The following DUSP19 variants were observed in gnomAD, a reference collection of about 807,000 sequenced individuals.
DUSP19 encodes the protein dual specificity phosphatase 19.
In DUSP19, 14 loss-of-function variants were observed where a neutral mutation model predicts 16.6. That is an observed-to-expected ratio of 0.84 (90% CI 0.56 to 1.32). The LOEUF (loss-of-function observed/expected upper bound fraction) is 1.32. Ranked by LOEUF, DUSP19 falls within the 40% of genes most tolerant of loss-of-function variation. The probability of loss-of-function intolerance (pLI) is 0.00; values close to 1 mark genes in which losing one functional copy is unlikely to be tolerated. For missense variants in DUSP19, 258 were observed against 255.9 expected, an observed-to-expected ratio of 1.01 and a Z score of -0.06; for synonymous variants, 81 against 90.5, an observed-to-expected ratio of 0.90 and a Z score of 0.59.
intron 2 of DUSP19, 45 bp from the exon 3 acceptor site, chr2:183,086,995 A>G (rs763374549): frequency 1.9e-6 from 3 of 1,576,100 alleles, no homozygotes; most frequent in Non-Finnish European, 2.6e-6. Context: ...TAGGTAACCT[A>G]ATTCATGGGA....
At chr2:183,089,134 T>G (rs2705735) in intron 3 of DUSP19, among the ~76,000 whole-genome samples, 150,312 of 152,308 alleles carry the variant, frequency 0.99, 74,203 homozygotes, top group Middle Eastern at 1. Context: ...ATTTAGAGCT[T>G]ATGCTTAATT....
At position 183,078,913 on chromosome 2, in the gene DUSP19, T is replaced by C. The variant is rs1285195039; in HGVS notation, c.-21T>C. The C allele has an allele frequency of 1.2e-6, 2 of 1,609,578 alleles. No homozygotes were observed. The highest frequency in any genetic ancestry group is 1.7e-6 in the Non-Finnish European group (2 of 1,176,624). On this transcript the variant is annotated 5_prime_UTR_variant, in exon 1 of 4. Transcript: ENST00000354221. ...TGCCTGCTGGATTTGTTTGTATTTGTTCCCAGCCACTGCTCATGTAATGTA... is the reference window on the plus strand; with the variant it reads ...TGCCTGCTGGATTTGTTTGTATTTGCTCCCAGCCACTGCTCATGTAATGTA...
rs1438726556 is a variant in DUSP19 at position 183,095,682 on chromosome 2, CA to C, written c.*26del. On this transcript the variant is annotated 3_prime_UTR_variant, in exon 4 of 4. Coordinates refer to ENST00000354221, the MANE Select transcript of DUSP19 (RefSeq NM_080876.4). ...GAGTTGCATTGTAGCAGACAATGGA[CA>C]ACTGTAGTTTCTGAATTGACTTCTA... 1.3e-6 allele frequency: 2 copies of C among 1,548,996 alleles called. No individual in the cohort carries two copies. Among genetic ancestry groups the C allele is most frequent in the East Asian group, 2.3e-5 (1 of 44,168 alleles).
chr2:183,082,067 T>C (rs1244442632), intron 1 of DUSP19, among the ~76,000 whole-genome samples: 1 of 152,170 alleles, frequency 6.6e-6, no homozygotes, highest in Non-Finnish European at 1.5e-5. Flanking sequence ...AAAGAGATTG[T>C]AGAAGGGCAC....
intron 3 of DUSP19, among the ~76,000 whole-genome samples, chr2:183,089,423 T>C (rs989725268): frequency 1.3e-5 from 2 of 152,208 alleles, no homozygotes; most frequent in African/African-American, 4.8e-5. Context: ...CCAGTGGGGA[T>C]ATAACCAACC....
intron 3 of DUSP19, among the ~76,000 whole-genome samples, chr2:183,087,435 T>G (rs907160630): frequency 2.0e-5 from 3 of 152,252 alleles, no homozygotes; most frequent in African/African-American, 7.2e-5. Flanking sequence ...AGTGTATTTA[T>G]GATGATTAAT....
intron 3 of DUSP19, among the ~76,000 whole-genome samples, chr2:183,094,815 A>C (rs1210156023): frequency 3.3e-5 from 5 of 152,222 alleles, no homozygotes; most frequent in Admixed American, 3.3e-4. Context: ...CTGATTATTT[A>C]AACAGATTTG....
chr2:183,090,336 T>C (rs909513979), intron 3 of DUSP19, among the ~76,000 whole-genome samples: 3 of 152,224 alleles, frequency 2.0e-5, no homozygotes, highest in African/African-American at 7.2e-5. Context: ...CTATTTGGCT[T>C]CTCTGTCCTT....
chr2:183,081,040 A>G (rs1699586529), intron 1 of DUSP19, among the ~76,000 whole-genome samples: 1 of 152,206 alleles, frequency 6.6e-6, no homozygotes, highest in Non-Finnish European at 1.5e-5. Flanking sequence ...CCAGCATCGC[A>G]TGCCAAACAA....
At chr2:183,091,237 G>A (rs888009188) in intron 3 of DUSP19, among the ~76,000 whole-genome samples, 6 of 152,066 alleles carry the variant, frequency 3.9e-5, no homozygotes, top group Non-Finnish European at 7.4e-5. Flanking sequence ...CTAAATTCAC[G>A]AAGTTTTTAG....
intron 3 of DUSP19, among the ~76,000 whole-genome samples, chr2:183,091,613 G>C (rs980860030): frequency 1.3e-5 from 2 of 152,192 alleles, no homozygotes; most frequent in African/African-American, 4.8e-5. Flanking sequence ...GCAAACATCT[G>C]ATTGGTTGCA....
chr2:183,084,430 A>T (rs963373403), intron 2 of DUSP19, among the ~76,000 whole-genome samples: 2 of 152,058 alleles, frequency 1.3e-5, no homozygotes, highest in Non-Finnish European at 2.9e-5. Flanking sequence ...CTATCTCAAA[A>T]AAAAAAAAGA....
chr2:183,085,866 T>TG (rs1699654588), intron 2 of DUSP19, among the ~76,000 whole-genome samples: 2 of 128,792 alleles, frequency 1.6e-5, no homozygotes, highest in East Asian at 2.3e-4. Context: ...TTTTTTTTTT[T>TG]TTTTTTTTTT....
At chr2:183,092,357 A>G (rs747684613) in intron 3 of DUSP19, among the ~76,000 whole-genome samples, 81 of 152,200 alleles carry the variant, frequency 5.3e-4, no homozygotes, top group Admixed American at 1.0e-3. Flanking sequence ...CCCAGCATGC[A>G]TTAGTTATTT....
chr2:183,087,820 AG>A (rs1484541815), intron 3 of DUSP19, among the ~76,000 whole-genome samples: 8 of 152,214 alleles, frequency 5.3e-5, no homozygotes, highest in Non-Finnish European at 1.0e-4. Context: ...TAACAATGAC[AG>A]GATTACAATC....
At chr2:183,082,365 G>C (rs1699602957) in intron 1 of DUSP19, among the ~76,000 whole-genome samples, 1 of 151,074 alleles carries the variant, frequency 6.6e-6, no homozygotes, top group African/African-American at 2.4e-5. Flanking sequence ...TATAAAAATG[G>C]ATGATGGTAT....
rs562658231 is a variant in DUSP19 at position 183,099,125 on chromosome 2, G to A, written c.*3467G>A. The A allele has an allele frequency of 6.6e-6, 1 of 151,764 alleles. No individual in the cohort carries two copies. Among genetic ancestry groups the A allele is most frequent in the Non-Finnish European group, 1.5e-5 (1 of 67,936 alleles). 9.4% of individuals were successfully genotyped at this position (151,764 alleles called of 1,614,324 possible). A position where few individuals can be genotyped will look rare whatever the true frequency, so the allele number is the denominator to read the frequency against. On this transcript the variant is annotated 3_prime_UTR_variant, in exon 4 of 4. Transcript: ENST00000354221. ...CCTGAATTTGTCAGCATGATTATTT[G>A]TAACTCAGATTGTTCAAATGTATAT...
chr2:183,094,538 T>G (rs926320257), intron 3 of DUSP19, among the ~76,000 whole-genome samples: 1 of 152,210 alleles, frequency 6.6e-6, no homozygotes, highest in Non-Finnish European at 1.5e-5. Flanking sequence ...TGCTGTCCCA[T>G]CAGATCTATC....
chr2:183,093,390 C>T (rs1216584042), intron 3 of DUSP19, among the ~76,000 whole-genome samples: 1 of 152,116 alleles, frequency 6.6e-6, no homozygotes, highest in East Asian at 1.9e-4. Context: ...ATTCCTCATA[C>T]CCTCATTTCA....
Sources: allele counts gnomAD v4.1 joint callset (sites outside exome capture counted in the v4.1 genomes callset), GRCh38; gene constraint gnomAD v4.1.1; transcripts MANE v1.5; gene names NCBI Gene and HGNC (gene_info 2026-07-23, HGNC 2026-07-21).